KCNH5: variants seen among roughly 807,000 people sequenced by gnomAD.
KCNH5 encodes the protein voltage-gated delayed rectifier potassium channel KCNH5.
A neutral mutation model predicts 96.1 loss-of-function variants in KCNH5; 46 were observed. That is an observed-to-expected ratio of 0.48 (90% CI 0.38 to 0.61). The LOEUF (loss-of-function observed/expected upper bound fraction) is 0.61, where lower values mean the gene tolerates loss of function less well. KCNH5 is among the 20% of genes least tolerant of loss of function. The pLI is 0.00. For missense variants in KCNH5, 907 were observed against 1,225.8 expected (o/e 0.74, Z 3.88); for synonymous variants, 439 against 449.8 (o/e 0.98, Z 0.30).
chr14:62,968,090 C>A (rs927562741), intron 6 of KCNH5, among the ~76,000 whole-genome samples: 7 of 152,194 alleles, frequency 4.6e-5, no homozygotes, highest in African/African-American at 1.7e-4. Context: ...CCAAACTTTT[C>A]AAATCTAAGG....
chr14:62,819,023 G>A (rs1350868436), intron 8 of KCNH5, among the ~76,000 whole-genome samples: 2 of 152,148 alleles, frequency 1.3e-5, no homozygotes, highest in Non-Finnish European at 2.9e-5. Context: ...CTGGAGTGCA[G>A]TGGCACAATC....
chr14:62,722,161 G>A (rs181722202), intron 10 of KCNH5, among the ~76,000 whole-genome samples: 11 of 152,296 alleles, frequency 7.2e-5, no homozygotes, highest in Admixed American at 7.2e-4. Flanking sequence ...TCACCCTCAT[G>A]TTCTGCTGGG....
At chr14:62,813,242 T>G (rs1414443665) in intron 8 of KCNH5, among the ~76,000 whole-genome samples, 1 of 152,134 alleles carries the variant, frequency 6.6e-6, no homozygotes, top group Non-Finnish European at 1.5e-5. Context: ...GAAAGAGGGA[T>G]GGCAATTTCA....
chr14:63,007,126 T>G (rs1393505322), intron 2 of KCNH5, among the ~76,000 whole-genome samples: 1 of 152,122 alleles, frequency 6.6e-6, no homozygotes, highest in Admixed American at 6.6e-5. Context: ...ACTCTAAATA[T>G]GCATCCAAAA....
chr14:62,953,824 T>C (rs530206939), intron 6 of KCNH5, among the ~76,000 whole-genome samples: 127 of 152,318 alleles, frequency 8.3e-4, no homozygotes, highest in African/African-American at 2.9e-3. Flanking sequence ...CCATCAGCCA[T>C]CCCACCTCCA....
Position 62,950,263 on chromosome 14 carries a change from G to C in KCNH5, c.1239C>G (p.Pro413=), listed in dbSNP as rs140173107. Residue 413 remains proline (P), a synonymous_variant, in exon 7 of 11, where the codon CCC becomes CCG. Transcript: ENST00000322893. ...NTSAGIWEGG[P]SKDSLYVSSL... ...AGGACACGTACAATGAATCCTTGCTGGGTCCTCCTTCCCATATCCCAGCAC... is the reference window on the plus strand; with the variant it reads ...AGGACACGTACAATGAATCCTTGCTCGGTCCTCCTTCCCATATCCCAGCAC... The C allele has an allele frequency of 1.6e-4, 253 of 1,614,024 alleles. 1 individual carries two copies. Among genetic ancestry groups the C allele is most frequent in the Non-Finnish European group, 1.7e-4 (195 of 1,179,958 alleles).
intron 7 of KCNH5, among the ~76,000 whole-genome samples, chr14:62,882,687 G>T (rs567274450): frequency 2.0e-5 from 3 of 152,098 alleles, no homozygotes; most frequent in Admixed American, 2.0e-4. Context: ...CTTTTTTAAT[G>T]TAGTTTACTA....
chr14:62,984,014 C>CA (rs1037332803), intron 5 of KCNH5, among the ~76,000 whole-genome samples: 2 of 152,044 alleles, frequency 1.3e-5, no homozygotes, highest in East Asian at 1.9e-4. Context: ...AAACAGTGCA[C>CA]AAAAAATAAG....
chr14:62,987,474 T>G (rs1890732208), intron 4 of KCNH5, among the ~76,000 whole-genome samples: 1 of 152,204 alleles, frequency 6.6e-6, no homozygotes, highest in Non-Finnish European at 1.5e-5. Flanking sequence ...TGCTCCTCCT[T>G]GCATTGTACA....
intron 7 of KCNH5, among the ~76,000 whole-genome samples, chr14:62,899,235 T>TA (rs907354314): frequency 6.6e-6 from 1 of 152,014 alleles, no homozygotes; most frequent in Non-Finnish European, 1.5e-5. Flanking sequence ...CTTTCTGATT[T>TA]AAAAAAATAT....
At chr14:62,887,631 C>G (rs981864956) in intron 7 of KCNH5, among the ~76,000 whole-genome samples, 1 of 151,940 alleles carries the variant, frequency 6.6e-6, no homozygotes, top group East Asian at 1.9e-4. Flanking sequence ...TGGAAAAAGC[C>G]TTGAAGCTGG....
chr14:62,759,573 A>ATATATATATATATATATTTTTTTTTTTTT (rs1171935428), intron 10 of KCNH5, among the ~76,000 whole-genome samples: 10 of 151,084 alleles, frequency 6.6e-5, no homozygotes, highest in South Asian at 4.3e-4. Flanking sequence ...CGTAGGGTAT[A>ATATATATATATATATATTTTTTTTTTTTT]TTTTTTAATA....
At chr14:63,001,558 C>T in intron 3 of KCNH5, 99 bp from the exon 4 acceptor site, 1 of 1,150,078 alleles carries the variant, frequency 8.7e-7, no homozygotes, top group Admixed American at 2.6e-5. Context: ...CTGCCAACAG[C>T]TGTGCCAGGA....
chr14:63,003,993 A>T (rs1891080147), intron 3 of KCNH5, among the ~76,000 whole-genome samples: 2 of 152,112 alleles, frequency 1.3e-5, no homozygotes, highest in African/African-American at 4.8e-5. Context: ...TAATCAGAGC[A>T]CTGGACCTAC....
At chr14:63,006,068 C>T (rs1387869074) in intron 3 of KCNH5, among the ~76,000 whole-genome samples, 3 of 152,070 alleles carry the variant, frequency 2.0e-5, no homozygotes. Flanking sequence ...CAATTTTAAT[C>T]GTTGTCACAT....
intron 7 of KCNH5, among the ~76,000 whole-genome samples, chr14:62,907,616 A>T (rs1889054975): frequency 6.6e-6 from 1 of 152,200 alleles, no homozygotes; most frequent in Non-Finnish European, 1.5e-5. Context: ...CAGGGTCTGG[A>T]AATTGAGGGT....
intron 7 of KCNH5, among the ~76,000 whole-genome samples, chr14:62,854,030 A>C (rs559059738): frequency 9.9e-5 from 15 of 151,200 alleles, no homozygotes; most frequent in Non-Finnish European, 1.9e-4. Context: ...AAAAAAAACA[A>C]AAAAAACAAC....
chr14:62,892,457 G>A (rs1888729506), intron 7 of KCNH5, among the ~76,000 whole-genome samples: 1 of 152,206 alleles, frequency 6.6e-6, no homozygotes, highest in South Asian at 2.1e-4. Context: ...ACATGAAAGT[G>A]CAAGGTGAAG....
At chr14:62,965,153 A>G (rs1348131685) in intron 6 of KCNH5, among the ~76,000 whole-genome samples, 3 of 152,126 alleles carry the variant, frequency 2.0e-5, no homozygotes. Context: ...GATGACATTC[A>G]GAGAAGAATA....
Sources: allele counts gnomAD v4.1 joint callset (sites outside exome capture counted in the v4.1 genomes callset), GRCh38; gene constraint gnomAD v4.1.1; transcripts MANE v1.5; gene names NCBI Gene and HGNC (gene_info 2026-07-23, HGNC 2026-07-21).